The following UPRT variants were observed in gnomAD, a reference collection of about 807,000 sequenced individuals.
The protein encoded by UPRT is uracil phosphoribosyltransferase homolog.
UPRT carries 5 observed loss-of-function variants against 22.6 expected under a neutral mutation model. The observed-to-expected ratio is 0.22, with a 90% CI of 0.12 to 0.47. The LOEUF (loss-of-function observed/expected upper bound fraction) is 0.47, where lower values mean the gene tolerates loss of function less well. UPRT is among the 20% of genes least tolerant of loss of function. The pLI is 0.99. For missense variants in UPRT, 181 were observed against 239.9 expected, an observed-to-expected ratio of 0.75 and a Z score of 1.62; for synonymous variants, 77 against 87.7, an observed-to-expected ratio of 0.88 and a Z score of 0.68.
upstream of UPRT, among the ~76,000 whole-genome samples, chrX:75,272,537 G>A (rs1315661545): frequency 9.3e-6 from 1 of 106,994 alleles, no homozygotes; most frequent in Non-Finnish European, 1.9e-5. Flanking sequence ...AGCTATGATG[G>A]ATACAAAGGC....
chrX:75,272,261 G>T (rs186594637), upstream of UPRT, among the ~76,000 whole-genome samples: 815 of 98,478 alleles, frequency 8.3e-3, 2 homozygotes, highest in Middle Eastern at 0.015. Context: ...AGTGGATAAA[G>T]AAGCTGTGAG....
rs187995272 is a variant in UPRT at position 75,266,693 on chromosome X, T to C, written c.-446-24331T>C. On this transcript the variant is annotated intron_variant, in intron 4 of 13. Coordinates refer to the UPRT transcript ENST00000652605. ...AGAAAATGTTTGCAATCTACTCATCTGACAAAGGGCTAATATCCAGAATCT... is the reference window on the plus strand; with the variant it reads ...AGAAAATGTTTGCAATCTACTCATCCGACAAAGGGCTAATATCCAGAATCT... Among the ~76,000 whole-genome samples, 886 of 111,705 alleles carry C rather than the reference T, an allele frequency of 7.9e-3. 10 individuals are homozygous for C. The highest frequency in any genetic ancestry group is 0.027 in the African/African-American group (816 of 30,741).
intron 2 of UPRT, among the ~76,000 whole-genome samples, chrX:75,161,992 G>T (rs1007348696): frequency 9.0e-6 from 1 of 111,517 alleles, no homozygotes; most frequent in African/African-American, 3.3e-5. Flanking sequence ...CCATGTAGAT[G>T]GCACAATAAG....
chrX:75,270,937 A>T (rs1405689638), upstream of UPRT, among the ~76,000 whole-genome samples: 2 of 111,621 alleles, frequency 1.8e-5, no homozygotes, highest in Non-Finnish European at 3.8e-5. Flanking sequence ...GTGAAAAAAA[A>T]ATCCTTAGGA....
At chrX:75,282,528 G>A (rs751298906) in intron 1 of UPRT, among the ~76,000 whole-genome samples, 2 of 111,196 alleles carry the variant, frequency 1.8e-5, no homozygotes, top group Admixed American at 1.9e-4. Context: ...TTTTGTTTTT[G>A]ACCCAGTGAT....
chrX:75,176,435 G>T (rs1223086737), intron 4 of UPRT, among the ~76,000 whole-genome samples: 1 of 111,515 alleles, frequency 9.0e-6, no homozygotes, highest in Non-Finnish European at 1.9e-5. Context: ...GAGGTCAAAG[G>T]TTTGCCCTAG....
chrX:75,249,448 C>G (rs1049713046), intron 4 of UPRT, among the ~76,000 whole-genome samples: 2 of 111,391 alleles, frequency 1.8e-5, no homozygotes, highest in Admixed American at 9.6e-5. Flanking sequence ...CAACAAAGAT[C>G]AAAAGAGACA....
intron 3 of UPRT, among the ~76,000 whole-genome samples, chrX:75,167,299 A>G (rs1040232146): frequency 8.9e-6 from 1 of 111,869 alleles, no homozygotes; most frequent in Non-Finnish European, 1.9e-5. Flanking sequence ...GTTCTTTTTT[A>G]TATACAAGCA....
At chrX:75,160,529 A>G (rs2082195899) in intron 1 of UPRT, among the ~76,000 whole-genome samples, 1 of 111,336 alleles carries the variant, frequency 9.0e-6, no homozygotes, top group Non-Finnish European at 1.9e-5. Flanking sequence ...GTTTTACTTT[A>G]TTTGTTTATT....
At chrX:75,231,850 T>C (rs2082439398) in intron 4 of UPRT, among the ~76,000 whole-genome samples, 1 of 112,224 alleles carries the variant, frequency 8.9e-6, no homozygotes, top group Admixed American at 9.4e-5. Flanking sequence ...TTAAGTTTCA[T>C]AAATGAAGGA....
In UPRT at chrX:75,187,985, G is replaced by A. The variant is rs189744349; in HGVS notation, c.-447+20106G>A. 3.2e-3 allele frequency among the ~76,000 whole-genome samples: 357 copies of A among 111,677 alleles called. 1 individual carries two copies. The highest frequency in any genetic ancestry group is 0.01 in the African/African-American group (320 of 30,759). ...TGGCTTGAATGTCCTCCCCTGGCTCGGAGTAATTTGATCGTCTGAAGCCTT... is the reference window on the plus strand; with the variant it reads ...TGGCTTGAATGTCCTCCCCTGGCTCAGAGTAATTTGATCGTCTGAAGCCTT... On this transcript the variant is annotated intron_variant, in intron 4 of 13. Transcript: ENST00000652605.
At chrX:75,232,863 C>G (rs1250017944) in intron 4 of UPRT, among the ~76,000 whole-genome samples, 1 of 111,360 alleles carries the variant, frequency 9.0e-6, no homozygotes, top group Non-Finnish European at 1.9e-5. Flanking sequence ...ACTGGAAACT[C>G]TAAAAAGCAG....
intron 4 of UPRT, among the ~76,000 whole-genome samples, chrX:75,249,206 C>A (rs1451331305): frequency 3.6e-5 from 4 of 111,457 alleles, no homozygotes. Context: ...TCACACATAA[C>A]AATATTAACC....
intron 4 of UPRT, among the ~76,000 whole-genome samples, chrX:75,258,414 T>C (rs1207460799): frequency 9.1e-6 from 1 of 109,793 alleles, no homozygotes; most frequent in African/African-American, 3.3e-5. Flanking sequence ...GAGGTTGACC[T>C]GGGATGCTTG....
intron 4 of UPRT, among the ~76,000 whole-genome samples, chrX:75,170,102 T>A (rs1001260396): frequency 1.5e-4 from 16 of 104,424 alleles, no homozygotes; most frequent in African/African-American, 4.6e-4. Flanking sequence ...AGTGGTGCGA[T>A]CTTGGCTCAG....
chrX:75,225,029 A>G (rs1013962151), intron 4 of UPRT, among the ~76,000 whole-genome samples: 2 of 111,377 alleles, frequency 1.8e-5, no homozygotes, highest in African/African-American at 6.5e-5. Context: ...CTTTCACTCT[A>G]GGAGCAGAAC....
intron 4 of UPRT, among the ~76,000 whole-genome samples, chrX:75,180,695 G>GTTT (rs61040746): frequency 5.8e-5 from 2 of 34,658 alleles, no homozygotes; most frequent in African/African-American, 2.6e-4. Flanking sequence ...TTTTTTTTTT[G>GTTT]TTTTTTTTTT....
intron 4 of UPRT, among the ~76,000 whole-genome samples, chrX:75,253,892 G>A (rs1239777278): frequency 8.9e-6 from 1 of 112,014 alleles, no homozygotes; most frequent in Non-Finnish European, 1.9e-5. Flanking sequence ...CAGGGGTAGA[G>A]GAAGCAGCAG....
At chrX:75,163,337 A>G (rs141870096) in intron 3 of UPRT, among the ~76,000 whole-genome samples, 96 of 112,083 alleles carry the variant, frequency 8.6e-4, no homozygotes, top group African/African-American at 2.8e-3. Flanking sequence ...GCCTGATTAG[A>G]TAAGACCCAC....
Sources: gnomAD v4.1 joint callset for allele counts (sites outside exome capture counted in the v4.1 genomes callset) on GRCh38, gnomAD v4.1.1 for gene constraint, MANE v1.5 for transcripts, NCBI Gene and HGNC (gene_info 2026-07-23, HGNC 2026-07-21) for gene names.